The following PNPT1 variants were observed in gnomAD, a reference collection of about 807,000 sequenced individuals.
PNPT1 encodes the protein polyribonucleotide nucleotidyltransferase 1, mitochondrial.
Under a neutral mutation model 119.5 loss-of-function variants are expected in PNPT1, and 53 were observed. The observed-to-expected ratio is 0.44, with a 90% CI of 0.36 to 0.56. The LOEUF (loss-of-function observed/expected upper bound fraction) is 0.56, where lower values mean the gene tolerates loss of function less well. Ranked by LOEUF, PNPT1 falls within the 20% of genes least tolerant of loss-of-function variation. PNPT1 has a pLI of 0.00. For synonymous variants in PNPT1, 357 were observed against 322.1 expected, an observed-to-expected ratio of 1.11 and a Z score of -1.16; for missense variants, 948 against 938.5, an observed-to-expected ratio of 1.01 and a Z score of -0.13.
chr2:55,666,785 T>C (rs1187787456), intron 13 of PNPT1, among the ~76,000 whole-genome samples: 1 of 152,204 alleles, frequency 6.6e-6, no homozygotes, highest in African/African-American at 2.4e-5. Flanking sequence ...GAGGTTTCAA[T>C]GAGCTATGAT....
At chr2:55,651,660 C>A (rs1572804369) in intron 18 of PNPT1, among the ~76,000 whole-genome samples, 1 of 150,380 alleles carries the variant, frequency 6.6e-6, no homozygotes, top group South Asian at 2.1e-4. Flanking sequence ...GGTCCTCTGC[C>A]TAGGAAAACC....
chr2:55,683,606 C>G (rs1255191572), intron 5 of PNPT1, among the ~76,000 whole-genome samples, 179 bp downstream of exon 5: 1 of 129,238 alleles, frequency 7.7e-6, no homozygotes, highest in Non-Finnish European at 1.6e-5. Flanking sequence ...AAGTGAGACT[C>G]TGTCTCAAAA....
chr2:55,687,984 G>C (rs1343883028), intron 1 of PNPT1, among the ~76,000 whole-genome samples: 1 of 151,660 alleles, frequency 6.6e-6, no homozygotes, highest in African/African-American at 2.4e-5. Context: ...TAATTCCCAT[G>C]TACCATCTAT....
intron 5 of PNPT1, among the ~76,000 whole-genome samples, chr2:55,681,850 A>AG (rs988797024): frequency 3.4e-5 from 5 of 148,324 alleles, no homozygotes; most frequent in African/African-American, 7.5e-5. Context: ...ATTTCAAAAA[A>AG]AAAAAAAAAG....
intron 14 of PNPT1, 130 bp downstream of exon 14, chr2:55,661,826 G>A (rs1372101905): frequency 1.1e-5 from 9 of 855,694 alleles, no homozygotes; most frequent in Non-Finnish European, 1.2e-5. Flanking sequence ...TCATGATGAT[G>A]TAAACAGAAA....
intron 8 of PNPT1, among the ~76,000 whole-genome samples, chr2:55,676,547 G>A (rs922654257): frequency 7.2e-5 from 11 of 152,034 alleles, no homozygotes; most frequent in African/African-American, 2.4e-4. Context: ...TATTCTTGCC[G>A]TGTAAGATTA....
intron 27 of PNPT1, among the ~76,000 whole-genome samples, chr2:55,636,652 C>G (rs1012584006): frequency 6.6e-6 from 1 of 152,144 alleles, no homozygotes; most frequent in African/African-American, 2.4e-5. Context: ...TCTCACCAGG[C>G]CAAGTCCTTA....
At chr2:55,681,068 G>A (rs893720610) in intron 5 of PNPT1, 150 bp from the exon 6 acceptor site, 1 of 651,396 alleles carries the variant, frequency 1.5e-6, no homozygotes, top group Non-Finnish European at 2.7e-6. Context: ...GCTTGACATT[G>A]GATAAATTAC....
chr2:55,691,432 C>T (rs1697596255), intron 1 of PNPT1, among the ~76,000 whole-genome samples: 1 of 152,020 alleles, frequency 6.6e-6, no homozygotes, highest in African/African-American at 2.4e-5. Flanking sequence ...TAAATGTTGC[C>T]AATGGCAAAC....
chr2:55,667,844 A>G lies in PNPT1; in HGVS notation c.1073+18T>C. On this transcript the variant is annotated intron_variant, in intron 12 of 27. Coordinates refer to ENST00000447944, the MANE Select transcript of PNPT1 (RefSeq NM_033109.5). ...AGACAGTGCATACTTCAATTTCAAC[A>G]AAAAAGGGTATGTTTACCTTTTGTA... 1 of 1,594,766 alleles carries G rather than the reference A, an allele frequency of 6.3e-7. No homozygotes were observed. Among genetic ancestry groups the G allele is most frequent in the Non-Finnish European group, 8.5e-7 (1 of 1,173,746 alleles).
In PNPT1 at chr2:55,638,917, G is replaced by GGC. The variant is rs1466750443; in HGVS notation, c.2149-1319_2149-1318insGC. On this transcript the variant is annotated intron_variant, in intron 26 of 27. Coordinates refer to ENST00000447944, the MANE Select transcript of PNPT1 (RefSeq NM_033109.5). Reference sequence around the variant, plus strand: ...AGCCTCCAGAGTAGCTGGGATTACAGGTGCACGCCATCATGCCCAGCTAAT... The same window carrying GGC: ...AGCCTCCAGAGTAGCTGGGATTACAGGCGTGCACGCCATCATGCCCAGCTAAT... Among the ~76,000 whole-genome samples the GGC allele has an allele frequency of 5.3e-5, 8 of 151,962 alleles. No homozygotes were observed. The East Asian group carries it at 1.6e-3, about 29-fold the overall frequency.
chr2:55,656,082 T>A (rs1409018350), intron 17 of PNPT1, 49 bp downstream of exon 17: 1 of 1,569,260 alleles, frequency 6.4e-7, no homozygotes, highest in East Asian at 2.2e-5. Flanking sequence ...AATAATAGAA[T>A]AGGGAATATG....
intron 25 of PNPT1, 132 bp downstream of exon 25, chr2:55,643,026 A>C: frequency 1.1e-6 from 1 of 879,470 alleles, no homozygotes; most frequent in South Asian, 1.5e-5. Flanking sequence ...AGGTGGGAGA[A>C]CTGCCTGATC....
At position 55,666,973 on chromosome 2, in the gene PNPT1, G is replaced by A. The variant is rs759360282; in HGVS notation, c.1176+18C>T. On this transcript the variant is annotated intron_variant, in intron 13 of 27. Coordinates refer to ENST00000447944, the MANE Select transcript of PNPT1 (RefSeq NM_033109.5). ...AATCTTAATTTAGCAAATAATTAGA[G>A]CTTTTTATATAAATTACCTGTGTTT... 20 of 1,491,092 alleles carry A rather than the reference G, an allele frequency of 1.3e-5. No homozygotes were observed. The highest frequency in any genetic ancestry group is 1.8e-5 in the Non-Finnish European group (20 of 1,103,130). The allele number at this position is 1,491,092 out of a possible 1,614,324, so 92.4% of individuals were successfully genotyped here.
Position 55,643,415 on chromosome 2 carries a change from A to T in PNPT1, c.1917T>A (p.Ile639=). The T allele has an allele frequency of 6.2e-7, 1 of 1,613,842 alleles. No individual in the cohort carries two copies. Among genetic ancestry groups the T allele is most frequent in the Non-Finnish European group, 8.5e-7 (1 of 1,179,990 alleles). ...AAAACGTTTCTTCATCCACCTGACT[A>T]ATAGTTACACCTTTTAAAAACAAAA... The part of the protein sequence containing the change: ...KKLQAETGVT[I]SQVDEETFSV... Residue 639 remains isoleucine (I), a synonymous_variant, in exon 24 of 28, where the codon ATT becomes ATA. Transcript: ENST00000447944.
intron 16 of PNPT1, 36 bp from the exon 17 acceptor site, chr2:55,656,256 A>G (rs1026205031): frequency 1.5e-5 from 24 of 1,611,906 alleles, no homozygotes; most frequent in Non-Finnish European, 2.0e-5. Context: ...TAAAAAATGT[A>G]TTAAGTCTCT....
intron 1 of PNPT1, 39 bp downstream of exon 1, chr2:55,693,624 C>T (rs758431550): frequency 1.9e-6 from 3 of 1,604,394 alleles, no homozygotes; most frequent in Non-Finnish European, 2.6e-6. Flanking sequence ...CTGGACAAGA[C>T]ACCTTATGAC....
chr2:55,673,324 A>G lies in PNPT1; in HGVS notation c.680-245T>C, dbSNP rs2627773. Among the ~76,000 whole-genome samples, 67,207 of 151,550 alleles carry G rather than the reference A, an allele frequency of 0.44. 15,761 individuals carry two copies. The highest frequency in any genetic ancestry group is 0.52 in the Non-Finnish European group (35,243 of 67,772). On this transcript the variant is annotated intron_variant, in intron 8 of 27. Transcript: ENST00000447944. The stretch of plus-strand genomic sequence containing the variant: ...CCTTAAGTTTAAGGAGGGATTTCCC[A>G]TAAAAAATGAAACAGAAAAAAAAAA...
chr2:55,650,143 C>A (rs1696126171), intron 18 of PNPT1, among the ~76,000 whole-genome samples: 1 of 148,182 alleles, frequency 6.7e-6, no homozygotes, highest in South Asian at 2.1e-4. Flanking sequence ...CCTCTCTCCA[C>A]CTCTACCTCT....
Sources: gnomAD v4.1 joint callset for allele counts (sites outside exome capture counted in the v4.1 genomes callset) on GRCh38, gnomAD v4.1.1 for gene constraint, MANE v1.5 for transcripts, NCBI Gene and HGNC (gene_info 2026-07-23, HGNC 2026-07-21) for gene names.